KHDC4: variants seen among roughly 807,000 people sequenced by gnomAD.
The protein encoded by KHDC4 is KH domain containing 4, pre-mRNA splicing factor, also known as KH homology domain-containing protein 4.
In KHDC4, 19 loss-of-function variants were observed where a neutral mutation model predicts 74.5. The ratio of observed to expected loss-of-function variants is 0.26; its 90% CI spans 0.18 to 0.37. The LOEUF (loss-of-function observed/expected upper bound fraction) is 0.37, where lower values mean the gene tolerates loss of function less well. Ranked by LOEUF, KHDC4 falls within the 10% of genes least tolerant of loss-of-function variation. The pLI, the probability that KHDC4 is intolerant of heterozygous loss-of-function variation, is 1.00. For synonymous variants in KHDC4, 253 were observed against 266.1 expected (o/e 0.95, Z 0.48); for missense variants, 632 against 754.1 (o/e 0.84, Z 1.90).
chr1:155,923,924 TA>T (rs1557968822), intron 7 of KHDC4, among the ~76,000 whole-genome samples: 1 of 152,228 alleles, frequency 6.6e-6, no homozygotes, highest in Non-Finnish European at 1.5e-5. Flanking sequence ...CTTCTCGATA[TA>T]AAAATGTTTA....
chr1:155,929,525 AAACC>A lies in KHDC4; in HGVS notation c.385-154_385-151del, dbSNP rs1428442041. ...ATTTTGATTCCATGGTTTCTTACTCAAACCAACCCAGAGAATTCATTTATATCCA... is the reference window on the plus strand; with the variant it reads ...ATTTTGATTCCATGGTTTCTTACTCAAACCCAGAGAATTCATTTATATCCA... On this transcript the variant is annotated intron_variant, in intron 3 of 13. Transcript: ENST00000368321. The A allele has an allele frequency of 3.2e-5, 32 of 1,014,108 alleles. No homozygotes were observed. The East Asian group carries it at 7.8e-4, about 25-fold the overall frequency. The allele number at this position is 1,014,108 out of a possible 1,614,324, so 62.8% of individuals were successfully genotyped here. A position where few individuals can be genotyped will look rare whatever the true frequency, so the allele number is the denominator to read the frequency against.
At position 155,931,959 on chromosome 1, in the gene KHDC4, A is replaced by G. The variant is rs1674150470; in HGVS notation, c.255+1674T>C. 2.0e-5 allele frequency among the ~76,000 whole-genome samples: 3 copies of G among 152,178 alleles called. No individual in the cohort carries two copies. In the South Asian group the frequency reaches 6.2e-4, roughly 31 times the overall value. On this transcript the variant is annotated intron_variant, in intron 2 of 13. Coordinates refer to ENST00000368321, the MANE Select transcript of KHDC4 (RefSeq NM_014949.4). Reference sequence around the variant, plus strand: ...CTTTTGGTGACAAGGGTTCTAGTCTATCAGTCGAATATGGTAGCCATTAGC... The same window carrying G: ...CTTTTGGTGACAAGGGTTCTAGTCTGTCAGTCGAATATGGTAGCCATTAGC...
Position 155,915,913 on chromosome 1 carries a change from G to T in KHDC4, c.1605C>A (p.Ser535=), listed in dbSNP as rs773456496. 6.2e-7 allele frequency: 1 copy of T among 1,601,452 alleles called. No homozygotes were observed. Among genetic ancestry groups the T allele is most frequent in the Non-Finnish European group, 8.5e-7 (1 of 1,175,776 alleles). The change falls in exon 13 of 14, where the codon TCC becomes TCA. Residue 535 remains serine (S), a synonymous_variant. Transcript: ENST00000368321. ...AFPVTGIKTE[S]DERNGSGTLT... ...AGGTCCCAGACCCATTCCTTTCATC[G>T]GACTCTGTTTTTATTCCAGTCACTG... is the stretch of plus-strand genomic sequence containing the variant.
Position 155,933,844 on chromosome 1 carries a change from C to A in KHDC4, c.44G>T (p.Arg15Leu). ...SATHPGAGGR[R>L]SKWDQPAPAP... ...TGGAGCTGGTTGGTCCCATTTGCTG[C>A]GGCGCCTACATGGAGAAAAAGGAAA... is the stretch of plus-strand genomic sequence containing the variant. The change falls in exon 2 of 14, where the codon CGC (arginine) becomes CTC (leucine). Residue 15 changes from arginine to leucine, a missense_variant. Around this residue, in one of 4 missense-constraint regions of KHDC4, gnomAD observed 104 missense variants for 78.1 expected, o/e 1.33. Transcript: ENST00000368321. 1 of 1,543,102 alleles carries A rather than the reference C, an allele frequency of 6.5e-7. No homozygotes were observed. Among genetic ancestry groups the A allele is most frequent in the Admixed American group, 2.1e-5 (1 of 47,976 alleles).
At chr1:155,929,207 T>C (rs1674090773) in intron 4 of KHDC4, 89 bp downstream of exon 4, 3 of 874,620 alleles carry the variant, frequency 3.4e-6, no homozygotes, top group Non-Finnish European at 5.8e-6. Flanking sequence ...TCAAATATTG[T>C]GTACACGTAT....
chr1:155,927,753 A>C (rs1042730232), intron 4 of KHDC4, among the ~76,000 whole-genome samples: 2 of 147,612 alleles, frequency 1.4e-5, no homozygotes, highest in African/African-American at 5.0e-5. Context: ...CAATGACCCA[A>C]GATCATGCCA....
intron 7 of KHDC4, among the ~76,000 whole-genome samples, chr1:155,925,120 G>A (rs1324594025): frequency 3.3e-5 from 5 of 150,400 alleles, no homozygotes; most frequent in Admixed American, 2.7e-4. Context: ...TCCACCTCCC[G>A]GGTTCACGCC....
At chr1:155,919,215 G>GC (rs1673799897) in intron 10 of KHDC4, among the ~76,000 whole-genome samples, 1 of 150,496 alleles carries the variant, frequency 6.6e-6, no homozygotes, top group South Asian at 2.2e-4. Context: ...TGATCCACCC[G>GC]CCCCAACCTC....
intron 2 of KHDC4, among the ~76,000 whole-genome samples, chr1:155,931,865 T>C (rs1439374725): frequency 6.6e-6 from 1 of 152,192 alleles, no homozygotes; most frequent in Non-Finnish European, 1.5e-5. Flanking sequence ...ATAGTATTCA[T>C]TTACATTATC....
intron 4 of KHDC4, among the ~76,000 whole-genome samples, chr1:155,927,822 A>C (rs1477324024): frequency 2.4e-4 from 25 of 105,154 alleles, no homozygotes; most frequent in Admixed American, 5.6e-4. Context: ...AAAAAAAAAA[A>C]AAAAAAAAAC....
chr1:155,929,281 T>C lies in KHDC4; in HGVS notation c.464+15A>G. On this transcript the variant is annotated intron_variant, in intron 4 of 13. Transcript: ENST00000368321. The stretch of plus-strand genomic sequence containing the variant: ...ACACCCAACCCTTCCATAAACAAGA[T>C]AAGAGAATACGCACCCTGGTCCCAC... 6.3e-7 allele frequency: 1 copy of C among 1,594,366 alleles called. No homozygotes were observed. Among genetic ancestry groups the C allele is most frequent in the Non-Finnish European group, 8.6e-7 (1 of 1,162,248 alleles).
At position 155,917,653 on chromosome 1, in the gene KHDC4, A is replaced by G. The variant is rs755629866; in HGVS notation, c.1286T>C (p.Phe429Ser). Residue 429 changes from phenylalanine to serine, a missense_variant, in exon 11 of 14, where the codon TTT becomes TCT. Phe to Ser is a radical substitution (Grantham distance 155). Around this residue, in one of 4 missense-constraint regions of KHDC4, gnomAD observed 254 missense variants for 267.4 expected, o/e 0.95. Coordinates refer to ENST00000368321, the MANE Select transcript of KHDC4 (RefSeq NM_014949.4). ...AGTTTTGACAGGAGCAGCAGGAATA[A>G]AAGGACCACCCATCGGACTCTGGGA... is the stretch of plus-strand genomic sequence containing the variant. ...STGQSPMGGP[F>S]IPAAPVKTAL... 1 of 1,576,280 alleles carries G rather than the reference A, an allele frequency of 6.3e-7. No homozygotes were observed. The highest frequency in any genetic ancestry group is 1.2e-5 in the South Asian group (1 of 86,722).
intron 2 of KHDC4, among the ~76,000 whole-genome samples, chr1:155,933,271 G>C (rs1674182127): frequency 6.6e-6 from 1 of 151,302 alleles, no homozygotes; most frequent in Non-Finnish European, 1.5e-5. Flanking sequence ...ATTATTATGC[G>C]ATTACAGGAT....
intron 10 of KHDC4, 98 bp from the exon 11 acceptor site, chr1:155,917,770 A>T (rs1673764657): frequency 2.8e-6 from 3 of 1,081,710 alleles, no homozygotes; most frequent in South Asian, 1.7e-5. Flanking sequence ...AATAAGTATC[A>T]TATGAATTTT....
intron 6 of KHDC4, 72 bp from the exon 7 acceptor site, chr1:155,925,915 A>G (rs761766548): frequency 1.3e-5 from 16 of 1,240,990 alleles, no homozygotes; most frequent in African/African-American, 5.9e-5. Context: ...AAATAAGTCA[A>G]TAAGAAATTA....
At chr1:155,919,858 A>G (rs942863716) in intron 10 of KHDC4, 21 of 249,468 alleles carry the variant, frequency 8.4e-5, no homozygotes, top group Non-Finnish European at 1.7e-4. Context: ...AAATAAAATA[A>G]ATTTGACTAG....
intron 5 of KHDC4, 129 bp downstream of exon 5, chr1:155,926,975 T>C (rs574863375): frequency 2.3e-6 from 3 of 1,313,240 alleles, no homozygotes; most frequent in Admixed American, 1.7e-5. Context: ...TAAACTCCCA[T>C]ACAAATTCGT....
chr1:155,917,468 G>A, intron 11 of KHDC4, 31 bp downstream of exon 11: 1 of 1,538,478 alleles, frequency 6.5e-7, no homozygotes, highest in East Asian at 2.2e-5. Flanking sequence ...AGAATAAGGT[G>A]AAGATAGGAA....
chr1:155,926,066 C>T, intron 6 of KHDC4: 1 of 721,086 alleles, frequency 1.4e-6, no homozygotes, highest in Non-Finnish European at 2.6e-6. Flanking sequence ...TCATCAGACT[C>T]AGCCTTCTTA....
Sources: gnomAD v4.1 joint callset for allele counts (sites outside exome capture counted in the v4.1 genomes callset) on GRCh38, gnomAD v4.1.1 for gene constraint, gnomAD v4.1.1 regional missense constraint, MANE v1.5 for transcripts, NCBI Gene and HGNC (gene_info 2026-07-23, HGNC 2026-07-21) for gene names.